DEPDC5: variants seen among roughly 807,000 people sequenced by gnomAD.
The protein encoded by DEPDC5 is GATOR1 complex protein DEPDC5.
A neutral mutation model predicts 217.3 loss-of-function variants in DEPDC5; 73 were observed. The ratio of observed to expected loss-of-function variants is 0.34; its 90% CI spans 0.28 to 0.41. The LOEUF is 0.41. Among genes scored for constraint, DEPDC5 ranks in the 10% least tolerant of loss-of-function variants. The pLI is 1.00. For synonymous variants in DEPDC5, 733 were observed against 756.7 expected, an observed-to-expected ratio of 0.97 and a Z score of 0.51; for missense variants, 1,675 against 2,070.1, an observed-to-expected ratio of 0.81 and a Z score of 3.70.
chr22:31,796,440 G>C (rs1057256182), intron 12 of DEPDC5, among the ~76,000 whole-genome samples: 1 of 152,008 alleles, frequency 6.6e-6, no homozygotes, highest in Non-Finnish European at 1.5e-5. Context: ...AATTACATTG[G>C]GTTACTATTG....
chr22:31,877,542 G>C (rs918785209), intron 37 of DEPDC5, among the ~76,000 whole-genome samples: 1 of 148,842 alleles, frequency 6.7e-6, no homozygotes, highest in Non-Finnish European at 1.5e-5. Flanking sequence ...ACAAGGTCAG[G>C]AGTTGGAGAC....
At chr22:31,842,347 G>A (rs918315675) in intron 27 of DEPDC5, among the ~76,000 whole-genome samples, 1 of 152,132 alleles carries the variant, frequency 6.6e-6, no homozygotes, top group Non-Finnish European at 1.5e-5. Context: ...AGGCCGAGGC[G>A]AGTGGATCAT....
rs1048411992 is a variant in DEPDC5, at chr22:31,891,390, G to A, written c.4034-2192G>A. On this transcript the variant is annotated intron_variant, in intron 38 of 42. Transcript: ENST00000651528. ...GCTCTTTCAGGCGTTCTCTTACTCC[G>A]GTTTCTGTCAACTTTTGGTTAATCT... 4.2e-5 allele frequency: 12 copies of A among 287,784 alleles called. No homozygotes were observed. In the East Asian group the frequency reaches 6.0e-4, roughly 14 times the overall value. The allele number at this position is 287,784 out of a possible 1,614,324, so 17.8% of individuals were successfully genotyped here.
intron 2 of DEPDC5, among the ~76,000 whole-genome samples, chr22:31,756,893 C>T (rs2081982606): frequency 6.6e-6 from 1 of 151,300 alleles, no homozygotes; most frequent in Non-Finnish European, 1.5e-5. Context: ...TACACTCCAG[C>T]CTGGGCAATA....
intron 8 of DEPDC5, among the ~76,000 whole-genome samples, chr22:31,778,579 CTG>C (rs2084116716): frequency 6.6e-6 from 1 of 152,192 alleles, no homozygotes; most frequent in South Asian, 2.1e-4. Flanking sequence ...TCTCCTGAAA[CTG>C]TTTTACAGTT....
rs2092985671 is a variant in DEPDC5 at position 31,876,149 on chromosome 22, T to C, written c.3697-8T>C. On this transcript the variant is annotated splice_polypyrimidine_tract_variant and splice_region_variant and intron_variant, in intron 36 of 42. Coordinates refer to ENST00000651528, the MANE Select transcript of DEPDC5 (RefSeq NM_001242896.3). ...GCAGGAATTTCAGAGTTTCAATGTC[T>C]CTCCTAGAAAATGCTGGAAGAGCAG... 1 of 1,613,302 alleles carries C rather than the reference T, an allele frequency of 6.2e-7. No individual in the cohort carries two copies. Among genetic ancestry groups the C allele is most frequent in the African/African-American group, 1.3e-5 (1 of 74,878 alleles).
chr22:31,755,110 A>G (rs2075209204), intron 2 of DEPDC5, 131 bp downstream of exon 2: 2 of 971,694 alleles, frequency 2.1e-6, no homozygotes, highest in Admixed American at 2.4e-5. Flanking sequence ...TAAAGCAGCA[A>G]CTGTCATACA....
chr22:31,794,162 T>A (rs1164718335), intron 12 of DEPDC5, among the ~76,000 whole-genome samples: 1 of 151,868 alleles, frequency 6.6e-6, no homozygotes, highest in Non-Finnish European at 1.5e-5. Flanking sequence ...CTCAACCTCA[T>A]ACAGATTATA....
intron 24 of DEPDC5, among the ~76,000 whole-genome samples, chr22:31,824,238 C>G (rs575217319): frequency 6.6e-6 from 1 of 152,026 alleles, no homozygotes; most frequent in East Asian, 1.9e-4. Context: ...CCAAGCTACT[C>G]GGGAGGTTGA....
chr22:31,854,199 TAGA>T (rs2149091562), intron 31 of DEPDC5, among the ~76,000 whole-genome samples: 1 of 152,336 alleles, frequency 6.6e-6, no homozygotes, highest in South Asian at 2.1e-4. Flanking sequence ...CCTGAGCCAT[TAGA>T]AGAAGAGCTT....
In DEPDC5 at chr22:31,901,776, C is replaced by A. The variant is rs372176746; in HGVS notation, c.4410C>A (p.His1470Gln). Residue 1470 changes from histidine (H) to glutamine (Q), a missense_variant, in exon 41 of 43, where the codon CAC (histidine) becomes CAA (glutamine). This residue lies in a region of DEPDC5 where 182 missense variants were observed against 290.1 expected (regional missense o/e 0.63). Transcript: ENST00000651528. ...CCGAAACGTACTGGGATCGAATGCA[C>A]CTCTTCCAGGAAGCCATTGCACACA... ...FEPETYWDRM[H>Q]LFQEAIAHRF... The A allele has an allele frequency of 5.0e-6, 8 of 1,613,620 alleles. No homozygotes were observed. The highest frequency in any genetic ancestry group is 5.9e-6 in the Non-Finnish European group (7 of 1,179,760).
intron 38 of DEPDC5, among the ~76,000 whole-genome samples, chr22:31,892,552 C>G (rs982206637): frequency 6.6e-6 from 1 of 152,108 alleles, no homozygotes; most frequent in African/African-American, 2.4e-5. Flanking sequence ...GGTGTGGTGG[C>G]GCATGCCTGT....
In DEPDC5 at chr22:31,906,315, G is replaced by T. The variant is rs768487257; in HGVS notation, c.4630G>T (p.Val1544Phe). ...TNQNMFCEER[V>F]GYNWAYNTML... ...CCAGAACATGTTCTGCGAGGAGCGG[G>T]TCGGCTACAACTGGGCCTACAACAC... Residue 1544 changes from valine to phenylalanine, a missense_variant, in exon 43 of 43, where the codon GTC becomes TTC. Physicochemically the swap from Val to Phe is conservative, Grantham distance 50. Transcript: ENST00000651528. This position sits in a 1 kb window ranked among gnomAD's most constrained non-coding sequence, Gnocchi z 5.1. 3 of 1,613,958 alleles carry T rather than the reference G, an allele frequency of 1.9e-6. No homozygotes were observed. Among genetic ancestry groups the T allele is most frequent in the Non-Finnish European group, 2.5e-6 (3 of 1,179,922 alleles).
Position 31,889,988 on chromosome 22 carries a change from C to T in DEPDC5, c.4034-3594C>T, listed in dbSNP as rs147120586. Among the ~76,000 whole-genome samples the T allele has an allele frequency of 2.6e-3, 400 of 152,206 alleles. 4 individuals carry two copies. Among genetic ancestry groups the T allele is most frequent in the African/African-American group, 9.3e-3 (384 of 41,510 alleles). On this transcript the variant is annotated intron_variant, in intron 38 of 42. Coordinates refer to ENST00000651528, the MANE Select transcript of DEPDC5 (RefSeq NM_001242896.3). ...AGCCAACCAGTGTCCATGGGCGGCACAGACAGGCCTCAGATTGAACATTGG... is the reference window on the plus strand; with the variant it reads ...AGCCAACCAGTGTCCATGGGCGGCATAGACAGGCCTCAGATTGAACATTGG...
intron 41 of DEPDC5, among the ~76,000 whole-genome samples, chr22:31,904,679 G>A (rs1454012964): frequency 6.6e-6 from 1 of 152,206 alleles, no homozygotes; most frequent in Non-Finnish European, 1.5e-5. Flanking sequence ...GGGAGGTGGA[G>A]GTTGCGGTGA....
intron 28 of DEPDC5, 66 bp from the exon 29 acceptor site, chr22:31,843,579 A>T (rs1367166950): frequency 6.5e-7 from 1 of 1,543,902 alleles, no homozygotes; most frequent in African/African-American, 1.4e-5. Context: ...AGAGATAGAA[A>T]ATAAGAATTG....
At position 31,792,768 on chromosome 22, in the gene DEPDC5, G is replaced by A. The variant is rs761256495; in HGVS notation, c.718G>A (p.Ala240Thr). ...SVDEFPEINR[A>T]SIRQDHKGRF... ...AGATGAATTTCCTGAAATAAACCGA[G>A]CCTCAATTCGACAGGATCACAAGGG... Residue 240 changes from alanine (A) to threonine (T), a missense_variant, in exon 12 of 43, where the codon GCC becomes ACC. Transcript: ENST00000651528. 28 of 1,553,662 alleles carry A rather than the reference G, an allele frequency of 1.8e-5. No individual in the cohort carries two copies. The South Asian group carries it at 3.4e-4, about 19-fold the overall frequency.
At chr22:31,804,015 G>A (rs2087183963) in intron 15 of DEPDC5, 147 bp from the exon 16 acceptor site, 2 of 680,132 alleles carry the variant, frequency 2.9e-6, no homozygotes, top group African/African-American at 1.8e-5. Context: ...TTACTTCTTT[G>A]TTGGATAGGC....
intron 30 of DEPDC5, 129 bp from the exon 31 acceptor site, chr22:31,846,705 A>G: frequency 7.7e-7 from 1 of 1,294,030 alleles, no homozygotes; most frequent in Non-Finnish European, 1.1e-6. Context: ...AACACTGAGA[A>G]CCTGTGTTCC....
Sources: allele counts gnomAD v4.1 joint callset (sites outside exome capture counted in the v4.1 genomes callset), GRCh38; gene constraint gnomAD v4.1.1; regional missense constraint gnomAD v4.1.1; non-coding constraint Gnocchi (gnomAD v3.1); transcripts MANE v1.5; gene names NCBI Gene and HGNC (gene_info 2026-07-23, HGNC 2026-07-21).